The following CSMD1 variants were observed in gnomAD, a reference collection of about 807,000 sequenced individuals.
The protein encoded by CSMD1 is CUB and sushi domain-containing protein 1.
In CSMD1, 213 loss-of-function variants were observed where a neutral mutation model predicts 417.5. The observed-to-expected ratio is 0.51, with a 90% CI of 0.46 to 0.57. CSMD1 has a LOEUF of 0.57. CSMD1 is among the 20% of genes least tolerant of loss of function. The pLI is 0.00. For missense variants in CSMD1, 6,923 were observed against 4,529.7 expected, an observed-to-expected ratio of 1.53 and a Z score of -15.17; for synonymous variants, 2,862 against 1,736.8, an observed-to-expected ratio of 1.65 and a Z score of -16.11.
At chr8:4,580,369 G>T (rs1256502399) in intron 2 of CSMD1, among the ~76,000 whole-genome samples, 1 of 152,140 alleles carries the variant, frequency 6.6e-6, no homozygotes, top group Non-Finnish European at 1.5e-5. Context: ...TTTCATCGCA[G>T]TGTTGACCAT....
intron 3 of CSMD1, among the ~76,000 whole-genome samples, chr8:4,242,048 A>G (rs905411188): frequency 6.6e-6 from 1 of 152,194 alleles, no homozygotes; most frequent in Non-Finnish European, 1.5e-5. Flanking sequence ...ACTTTGTGAA[A>G]TGAAAAAGGG....
At chr8:4,352,617 C>A (rs908765032) in intron 3 of CSMD1, among the ~76,000 whole-genome samples, 1 of 152,240 alleles carries the variant, frequency 6.6e-6, no homozygotes. Context: ...AGTCATTTGC[C>A]CCGAGTGACA....
chr8:3,959,573 C>T (rs960059172), intron 5 of CSMD1, among the ~76,000 whole-genome samples: 2 of 152,222 alleles, frequency 1.3e-5, no homozygotes, highest in Non-Finnish European at 2.9e-5. Context: ...TAGTTTTTGT[C>T]TCTTTTAATC....
At chr8:3,915,866 T>A (rs552913192) in intron 5 of CSMD1, among the ~76,000 whole-genome samples, 1 of 149,576 alleles carries the variant, frequency 6.7e-6, no homozygotes, top group East Asian at 2.0e-4. Context: ...AACTTTTCAA[T>A]TGTTTTTGAA....
intron 40 of CSMD1, among the ~76,000 whole-genome samples, chr8:3,145,665 A>G (rs929847081): frequency 6.6e-5 from 10 of 152,248 alleles, no homozygotes; most frequent in African/African-American, 2.4e-4. Context: ...AAATAGAATT[A>G]TCTAGCTATC....
intron 3 of CSMD1, among the ~76,000 whole-genome samples, chr8:4,225,035 C>G (rs770720807): frequency 6.6e-6 from 1 of 152,148 alleles, no homozygotes; most frequent in Non-Finnish European, 1.5e-5. Context: ...TCGCTTGAAC[C>G]CTAGAGGCAG....
intron 3 of CSMD1, among the ~76,000 whole-genome samples, chr8:4,200,030 G>A (rs904850071): frequency 2.0e-5 from 3 of 152,086 alleles, no homozygotes; most frequent in African/African-American, 7.2e-5. Context: ...ATTATGTTGA[G>A]GTGCCATAAA....
intron 3 of CSMD1, among the ~76,000 whole-genome samples, chr8:4,140,343 A>G (rs1374206936): frequency 6.6e-6 from 1 of 150,962 alleles, no homozygotes; most frequent in Non-Finnish European, 1.5e-5. Flanking sequence ...CTAAAACAAT[A>G]CAAAATTAGC....
intron 1 of CSMD1, among the ~76,000 whole-genome samples, chr8:4,924,474 G>C: frequency 6.6e-6 from 1 of 152,078 alleles, no homozygotes; most frequent in East Asian, 1.9e-4. Context: ...TGTAATCTCA[G>C]TACTTTGAGA....
At chr8:4,156,173 G>T (rs894863954) in intron 3 of CSMD1, among the ~76,000 whole-genome samples, 1 of 152,178 alleles carries the variant, frequency 6.6e-6, no homozygotes. Context: ...TGTGTGAGGG[G>T]TGTGGGAACA....
intron 5 of CSMD1, among the ~76,000 whole-genome samples, chr8:3,769,490 G>C (rs189962574): frequency 2.4e-5 from 3 of 123,536 alleles, no homozygotes; most frequent in Admixed American, 7.7e-5. Context: ...TGAGAAAATA[G>C]AGGATAAAAA....
chr8:4,084,230 G>T (rs1482196083), intron 3 of CSMD1, among the ~76,000 whole-genome samples: 1 of 151,338 alleles, frequency 6.6e-6, no homozygotes, highest in Admixed American at 6.6e-5. Context: ...CTGTAGAGTA[G>T]TAATCCCTTA....
Position 4,376,501 on chromosome 8 carries a change from C to G in CSMD1, c.415+43452G>C, listed in dbSNP as rs368846499. 6.6e-5 allele frequency among the ~76,000 whole-genome samples: 10 copies of G among 152,240 alleles called. No homozygotes were observed. In the South Asian group the frequency reaches 1.9e-3, roughly 28 times the overall value. On this transcript the variant is annotated intron_variant, in intron 3 of 69. Coordinates refer to ENST00000635120, the MANE Select transcript of CSMD1 (RefSeq NM_033225.6). ...AAACCTCCATTTTTATATGAATAGA[C>G]CATTATTTTCCCCACAGTATATTTA...
chr8:3,320,697 G>C (rs770961956), intron 23 of CSMD1, among the ~76,000 whole-genome samples: 7 of 152,124 alleles, frequency 4.6e-5, no homozygotes, highest in Non-Finnish European at 7.4e-5. Context: ...CTCATTCTTT[G>C]AAAGAATTTC....
At chr8:4,644,558 C>T (rs1803398776) in intron 1 of CSMD1, among the ~76,000 whole-genome samples, 1 of 152,158 alleles carries the variant, frequency 6.6e-6, no homozygotes, top group Non-Finnish European at 1.5e-5. Flanking sequence ...AGGCACGCGC[C>T]ACCACACCTG....
chr8:3,055,958 T>C (rs1383283906), intron 49 of CSMD1, among the ~76,000 whole-genome samples: 4 of 152,164 alleles, frequency 2.6e-5, no homozygotes, highest in African/African-American at 4.8e-5. Context: ...CCTTACAAAA[T>C]GCGAGCCCTC....
At chr8:3,496,177 C>G (rs1292711345) in intron 10 of CSMD1, among the ~76,000 whole-genome samples, 1 of 152,192 alleles carries the variant, frequency 6.6e-6, no homozygotes. Context: ...TCTACTCCTG[C>G]CATTTTTCTT....
At chr8:4,796,044 A>G (rs1167639093) in intron 1 of CSMD1, among the ~76,000 whole-genome samples, 1 of 152,190 alleles carries the variant, frequency 6.6e-6, no homozygotes, top group Non-Finnish European at 1.5e-5. Flanking sequence ...TTTAAAATGT[A>G]ACACTCACCA....
At chr8:3,654,682 G>A (rs1798016710) in intron 7 of CSMD1, among the ~76,000 whole-genome samples, 2 of 152,208 alleles carry the variant, frequency 1.3e-5, no homozygotes, top group African/African-American at 4.8e-5. Flanking sequence ...AAGACTGGCT[G>A]AGATTCGGGT....
Sources: gnomAD v4.1 joint callset for allele counts (sites outside exome capture counted in the v4.1 genomes callset) on GRCh38, gnomAD v4.1.1 for gene constraint, MANE v1.5 for transcripts, NCBI Gene and HGNC (gene_info 2026-07-23, HGNC 2026-07-21) for gene names.